TBCE: variants seen among roughly 807,000 people sequenced by gnomAD.
TBCE encodes the protein tubulin folding cofactor E.
Under a neutral mutation model 77.0 loss-of-function variants are expected in TBCE, and 53 were observed. The ratio of observed to expected loss-of-function variants is 0.69; its 90% CI spans 0.55 to 0.87. The LOEUF (loss-of-function observed/expected upper bound fraction) is 0.87. Ranked by LOEUF, TBCE falls within the 40% of genes least tolerant of loss-of-function variation. The probability of loss-of-function intolerance (pLI) is 0.00; values close to 1 mark genes in which losing one functional copy is unlikely to be tolerated. For missense variants in TBCE, 624 were observed against 622.4 expected, an observed-to-expected ratio of 1.00 and a Z score of -0.03; for synonymous variants, 235 against 241.3, an observed-to-expected ratio of 0.97 and a Z score of 0.24.
rs183500329 is a variant in TBCE at position 235,452,345 on chromosome 1, G to C, written c.*3583G>C. 28 of 152,256 alleles carry C rather than the reference G, an allele frequency of 1.8e-4. 1 individual carries two copies. The highest frequency in any genetic ancestry group is 1.6e-3 in the Admixed American group (25 of 15,288). The allele number at this position is 152,256 out of a possible 1,614,324, so 9.4% of individuals were successfully genotyped here. On this transcript the variant is annotated 3_prime_UTR_variant, in exon 17 of 17. Transcript: ENST00000642610. The stretch of plus-strand genomic sequence containing the variant: ...AAACTGAGTTTTTTTGTAGGCAGGG[G>C]AACGTTGATTTATAACCTTTTGCTT...
chr1:235,433,508 A>C (rs78005459), intron 7 of TBCE: 3,410 of 152,970 alleles, frequency 0.022, 139 homozygotes, highest in African/African-American at 0.078. Context: ...AGGCGTGTGC[A>C]ACCATACCCG....
intron 15 of TBCE, among the ~76,000 whole-genome samples, chr1:235,444,044 T>C (rs967847557): frequency 6.6e-6 from 1 of 152,244 alleles, no homozygotes; most frequent in Non-Finnish European, 1.5e-5. Context: ...ACACATCAGC[T>C]TAATGACTCT....
At chr1:235,400,547 C>T in intron 2 of TBCE, among the ~76,000 whole-genome samples, 1 of 145,936 alleles carries the variant, frequency 6.9e-6, no homozygotes, top group Non-Finnish European at 1.5e-5. Context: ...GCTATAGGCG[C>T]TCGCCACCGT....
At position 235,417,951 on chromosome 1, in the gene TBCE, T is replaced by C. The variant is rs371581058; in HGVS notation, c.372-1522T>C. Among the ~76,000 whole-genome samples the C allele has an allele frequency of 4.1e-3, 625 of 152,200 alleles. 4 individuals are homozygous for C. The highest frequency in any genetic ancestry group is 0.014 in the African/African-American group (598 of 41,542). On this transcript the variant is annotated intron_variant, in intron 4 of 16. Coordinates refer to ENST00000642610, the MANE Select transcript of TBCE (RefSeq NM_003193.5). ...CCCCACTATGCCAGGCTAATTTTTG[T>C]TATTTTTTTTAGTAGAGACAGGGTT...
chr1:235,448,037 C>A (rs563192260), intron 15 of TBCE, among the ~76,000 whole-genome samples: 1 of 151,802 alleles, frequency 6.6e-6, no homozygotes. Context: ...GGTGAAACCC[C>A]GTCTCTACTA....
chr1:235,433,060 GC>G, intron 7 of TBCE: 1 of 1,553,486 alleles, frequency 6.4e-7, no homozygotes, highest in Non-Finnish European at 8.6e-7. Flanking sequence ...CATCATCAGT[GC>G]CAAGGACCAC....
intron 5 of TBCE, among the ~76,000 whole-genome samples, chr1:235,421,010 C>T (rs915506176): frequency 4.6e-5 from 7 of 152,172 alleles, no homozygotes; most frequent in African/African-American, 1.7e-4. Flanking sequence ...AACAGAGGCT[C>T]TTTATGAAGT....
chr1:235,388,853 C>T (rs1572342522), intron 2 of TBCE, among the ~76,000 whole-genome samples: 1 of 152,162 alleles, frequency 6.6e-6, no homozygotes, highest in Non-Finnish European at 1.5e-5. Context: ...ATGGTACAGC[C>T]TCAACAAATA....
intron 15 of TBCE, among the ~76,000 whole-genome samples, chr1:235,447,051 C>T (rs865844240): frequency 6.6e-6 from 1 of 152,130 alleles, no homozygotes; most frequent in South Asian, 2.1e-4. Context: ...CACTGGTGTG[C>T]AGCAGGTAAC....
chr1:235,441,951 TCTCTTAAGTGTGTAC>T (rs1450504912), intron 14 of TBCE, 69 bp downstream of exon 14: 3 of 1,398,066 alleles, frequency 2.1e-6, no homozygotes, highest in East Asian at 2.3e-5. Context: ...TTAGTGTGTT[TCTCTTAAGTGTGTAC>T]CTCTTAAGTA....
At chr1:235,435,873 G>T in intron 9 of TBCE, 33 bp downstream of exon 9, 1 of 1,566,226 alleles carries the variant, frequency 6.4e-7, no homozygotes, top group Non-Finnish European at 8.8e-7. Context: ...ATACAATAGT[G>T]TTCAGTCAAT....
At chr1:235,416,752 TGAAAAGGTAAAATTTTA>T (rs1484421340) in intron 4 of TBCE, among the ~76,000 whole-genome samples, 2 of 152,200 alleles carry the variant, frequency 1.3e-5, no homozygotes, top group Non-Finnish European at 2.9e-5. Flanking sequence ...CTTTCTTGAT[TGAAAAGGTAAAATTTTA>T]GAGATTCTGG....
chr1:235,432,938 A>C lies in TBCE; in HGVS notation c.661-1266A>C, dbSNP rs1681189137. Reference sequence around the variant, plus strand: ...GTAATTTTTTTTTTTGTAAAAAAAAAAAATTAGGCTCATGCGCAGTGTGGT... The same window carrying C: ...GTAATTTTTTTTTTTGTAAAAAAAACAAATTAGGCTCATGCGCAGTGTGGT... On this transcript the variant is annotated intron_variant, in intron 7 of 16. Coordinates refer to ENST00000642610, the MANE Select transcript of TBCE (RefSeq NM_003193.5). 3.9e-6 allele frequency: 5 copies of C among 1,272,306 alleles called. No homozygotes were observed. The Admixed American group carries it at 1.2e-4, about 31-fold the overall frequency. The allele number at this position is 1,272,306 out of a possible 1,614,324, so 78.8% of individuals were successfully genotyped here.
intron 15 of TBCE, among the ~76,000 whole-genome samples, chr1:235,448,085 A>G (rs113896413): frequency 0.022 from 3,370 of 152,172 alleles, 58 homozygotes; most frequent in Non-Finnish European, 0.032. Context: ...GATGGGCACC[A>G]GCTACTCAGG....
intron 16 of TBCE, 74 bp downstream of exon 16, chr1:235,448,514 T>C (rs1682633322): frequency 6.8e-7 from 1 of 1,476,514 alleles, no homozygotes; most frequent in South Asian, 1.1e-5. Context: ...TGTCTCTAGA[T>C]AGCAACAGTT....
chr1:235,419,803 C>T (rs1398179600), intron 5 of TBCE, among the ~76,000 whole-genome samples: 4 of 152,154 alleles, frequency 2.6e-5, no homozygotes, highest in Non-Finnish European at 5.9e-5. Context: ...AGGGGGCACA[C>T]TTGGCCAGGC....
Position 235,449,142 on chromosome 1 carries a change from G to A in TBCE, c.*380G>A. 3.9e-6 allele frequency: 1 copy of A among 253,706 alleles called. No individual in the cohort carries two copies. Among genetic ancestry groups the A allele is most frequent in the Non-Finnish European group, 7.7e-6 (1 of 130,410 alleles). 15.7% of individuals were successfully genotyped at this position (253,706 alleles called of 1,614,324 possible). The stretch of plus-strand genomic sequence containing the variant: ...CTCTATTGAAACTACTATTTTAAAG[G>A]GTTACTAGAAATGATTTGGTTGGTC... On this transcript the variant is annotated 3_prime_UTR_variant, in exon 17 of 17. Transcript: ENST00000642610.
At chr1:235,375,892 T>A (rs1677262152) in intron 1 of TBCE, among the ~76,000 whole-genome samples, 1 of 151,046 alleles carries the variant, frequency 6.6e-6, no homozygotes, top group African/African-American at 2.4e-5. Context: ...AAAAAAAAAA[T>A]ACAAAATTAG....
intron 15 of TBCE, among the ~76,000 whole-genome samples, chr1:235,446,699 T>C (rs918411693): frequency 6.6e-6 from 1 of 151,638 alleles, no homozygotes; most frequent in Non-Finnish European, 1.5e-5. Flanking sequence ...AGGCAGGTTT[T>C]TTTTTTTTTT....
Sources: gnomAD v4.1 joint callset for allele counts (sites outside exome capture counted in the v4.1 genomes callset) on GRCh38, gnomAD v4.1.1 for gene constraint, MANE v1.5 for transcripts, NCBI Gene and HGNC (gene_info 2026-07-23, HGNC 2026-07-21) for gene names.